CDH12: variants seen among roughly 807,000 people sequenced by gnomAD.
The protein encoded by CDH12 is cadherin-12.
CDH12 carries 41 observed loss-of-function variants against 74.1 expected under a neutral mutation model. The ratio of observed to expected loss-of-function variants is 0.55; its 90% CI spans 0.43 to 0.72. The LOEUF (loss-of-function observed/expected upper bound fraction) is 0.72, where lower values mean the gene tolerates loss of function less well. Among genes scored for constraint, CDH12 ranks in the 30% least tolerant of loss-of-function variants. The pLI, the probability that CDH12 is intolerant of heterozygous loss-of-function variation, is 0.00. For synonymous variants in CDH12, 399 were observed against 355.0 expected (o/e 1.12, Z -1.39); for missense variants, 945 against 977.2 (o/e 0.97, Z 0.44).
chr5:22,729,034 C>G (rs1278019829), intron 1 of CDH12, among the ~76,000 whole-genome samples: 6 of 151,870 alleles, frequency 4.0e-5, no homozygotes, highest in East Asian at 1.9e-4. Context: ...CCAGCAGTTC[C>G]TCATTACCAT....
chr5:22,812,301 T>C (rs879017589), intron 1 of CDH12, among the ~76,000 whole-genome samples: 1 of 152,142 alleles, frequency 6.6e-6, no homozygotes. Flanking sequence ...TATATATTTT[T>C]TGAGGGAAGG....
intron 5 of CDH12, among the ~76,000 whole-genome samples, chr5:22,026,646 G>A (rs1738380183): frequency 6.6e-6 from 1 of 152,062 alleles, no homozygotes; most frequent in Non-Finnish European, 1.5e-5. Context: ...CAGGGGTAGG[G>A]GTAGGGTTAA....
chr5:22,484,785 G>A (rs1218717688), intron 2 of CDH12, among the ~76,000 whole-genome samples: 6 of 152,118 alleles, frequency 3.9e-5, no homozygotes, highest in African/African-American at 1.4e-4. Flanking sequence ...TGCTTATATT[G>A]CACAAATATG....
At chr5:22,389,869 C>T (rs139791751) in intron 3 of CDH12, among the ~76,000 whole-genome samples, 6,143 of 151,908 alleles carry the variant, frequency 0.04, 428 homozygotes, top group African/African-American at 0.14. Context: ...AGGATGGTCT[C>T]GATCTCCTGA....
At chr5:22,315,803 T>G (rs541887894) in intron 3 of CDH12, among the ~76,000 whole-genome samples, 1 of 152,198 alleles carries the variant, frequency 6.6e-6, no homozygotes, top group Non-Finnish European at 1.5e-5. Flanking sequence ...AAAAGATGGC[T>G]TTTAGATTTT....
intron 3 of CDH12, among the ~76,000 whole-genome samples, chr5:22,245,453 T>C (rs1345146049): frequency 1.3e-5 from 2 of 152,034 alleles, no homozygotes; most frequent in African/African-American, 2.4e-5. Flanking sequence ...ATTATAACAT[T>C]TAAAAATATA....
At chr5:22,256,119 A>G (rs889073577) in intron 3 of CDH12, among the ~76,000 whole-genome samples, 2 of 152,178 alleles carry the variant, frequency 1.3e-5, no homozygotes, top group African/African-American at 4.8e-5. Flanking sequence ...GTCTCATATT[A>G]AGATAGGCAA....
intron 3 of CDH12, among the ~76,000 whole-genome samples, chr5:22,264,668 T>C (rs564735677): frequency 6.6e-6 from 1 of 152,260 alleles, no homozygotes; most frequent in Admixed American, 6.5e-5. Flanking sequence ...CTTTGAACCT[T>C]TGAAGAGCCT....
chr5:22,408,826 C>G (rs1743052194), intron 2 of CDH12, among the ~76,000 whole-genome samples: 1 of 86,244 alleles, frequency 1.2e-5, no homozygotes. Context: ...ATCAATTCTT[C>G]TATCTTCATT....
At chr5:22,425,172 A>T (rs2662498) in intron 2 of CDH12, among the ~76,000 whole-genome samples, 6,515 of 82,878 alleles carry the variant, frequency 0.079, 266 homozygotes, top group African/African-American at 0.13. Flanking sequence ...TATATATATA[A>T]ATATATATAT....
chr5:21,755,090 G>C (rs1446201944), intron 14 of CDH12, among the ~76,000 whole-genome samples: 1 of 152,134 alleles, frequency 6.6e-6, no homozygotes, highest in African/African-American at 2.4e-5. Flanking sequence ...CAAATTTGAG[G>C]ATTACTTTAC....
chr5:22,080,583 T>C (rs1742657376), intron 4 of CDH12, among the ~76,000 whole-genome samples: 1 of 152,186 alleles, frequency 6.6e-6, no homozygotes, highest in Non-Finnish European at 1.5e-5. Flanking sequence ...TGGAAACCTC[T>C]AGTCACATGT....
intron 1 of CDH12, among the ~76,000 whole-genome samples, chr5:22,737,291 T>A (rs1338256477): frequency 6.6e-6 from 1 of 152,020 alleles, no homozygotes; most frequent in Admixed American, 6.6e-5. Context: ...AATAATATGT[T>A]TAAATGAATC....
chr5:22,110,685 T>C (rs1165417666), intron 4 of CDH12, among the ~76,000 whole-genome samples: 2 of 152,140 alleles, frequency 1.3e-5, no homozygotes, highest in South Asian at 4.1e-4. Context: ...ACAATAGTGA[T>C]GTTATCTGCA....
intron 3 of CDH12, among the ~76,000 whole-genome samples, chr5:22,293,823 C>T (rs1328735341): frequency 6.6e-6 from 1 of 152,050 alleles, no homozygotes; most frequent in East Asian, 1.9e-4. Context: ...AGGATGGTGG[C>T]TACCAGAGGC....
chr5:22,046,399 T>G (rs958263863), intron 5 of CDH12, among the ~76,000 whole-genome samples: 2 of 150,796 alleles, frequency 1.3e-5, no homozygotes, highest in African/African-American at 4.9e-5. Context: ...ACTACCTTTA[T>G]AAATTGAGAA....
chr5:22,106,647 A>G (rs13186048), intron 4 of CDH12, among the ~76,000 whole-genome samples: 69,297 of 152,004 alleles, frequency 0.46, 15,997 homozygotes, highest in Middle Eastern at 0.51. Context: ...AAAGAATTCT[A>G]CCTGCCTATC....
intron 2 of CDH12, among the ~76,000 whole-genome samples, chr5:22,411,539 C>G (rs1743170386): frequency 6.6e-6 from 1 of 151,934 alleles, no homozygotes; most frequent in Non-Finnish European, 1.5e-5. Flanking sequence ...AATTCGAGCT[C>G]AAAAGATTAA....
chr5:21,932,075 A>G (rs1754865630), intron 6 of CDH12, among the ~76,000 whole-genome samples: 1 of 152,194 alleles, frequency 6.6e-6, no homozygotes, highest in Non-Finnish European at 1.5e-5. Context: ...AGTTTTACAA[A>G]ACAACATTAG....
Sources: gnomAD v4.1 joint callset for allele counts (sites outside exome capture counted in the v4.1 genomes callset) on GRCh38, gnomAD v4.1.1 for gene constraint, MANE v1.5 for transcripts, NCBI Gene and HGNC (gene_info 2026-07-23, HGNC 2026-07-21) for gene names.